DCC: variants seen among roughly 807,000 people sequenced by gnomAD.
The protein encoded by DCC is netrin receptor DCC.
A neutral mutation model predicts 172.5 loss-of-function variants in DCC; 58 were observed. The ratio of observed to expected loss-of-function variants is 0.34; its 90% confidence interval spans 0.27 to 0.42. DCC has a LOEUF of 0.42. DCC is among the 10% of genes least tolerant of loss of function. DCC has a pLI of 1.00. For synonymous variants in DCC, 709 were observed against 644.5 expected (o/e 1.10, Z -1.52); for missense variants, 1,740 against 1,791.0 (o/e 0.97, Z 0.51).
At chr18:53,371,699 A>C (rs2058061474) in intron 15 of DCC, among the ~76,000 whole-genome samples, 1 of 152,044 alleles carries the variant, frequency 6.6e-6, no homozygotes, top group South Asian at 2.1e-4. Flanking sequence ...CCTTCTATTG[A>C]ATGTTAACCC....
chr18:52,579,317 T>G (rs1309460263), intron 1 of DCC, among the ~76,000 whole-genome samples: 1 of 152,176 alleles, frequency 6.6e-6, no homozygotes, highest in African/African-American at 2.4e-5. Flanking sequence ...ATAAGAAGGC[T>G]CCTTTGGAAT....
intron 1 of DCC, among the ~76,000 whole-genome samples, chr18:52,394,083 A>C (rs1211243736): frequency 1.3e-5 from 2 of 152,110 alleles, no homozygotes; most frequent in African/African-American, 4.8e-5. Flanking sequence ...CAATACTATG[A>C]GCTAAAAACA....
At chr18:53,092,295 A>G (rs1391103782) in intron 7 of DCC, among the ~76,000 whole-genome samples, 10 of 152,128 alleles carry the variant, frequency 6.6e-5, no homozygotes, top group Non-Finnish European at 1.5e-4. Context: ...TCTTAAGCAG[A>G]TTTGGGAACC....
At chr18:53,063,784 C>A (rs566490264) in intron 6 of DCC, among the ~76,000 whole-genome samples, 3 of 152,262 alleles carry the variant, frequency 2.0e-5, no homozygotes, top group Non-Finnish European at 2.9e-5. Context: ...GAGTTTAGAA[C>A]CTAGTTCTAG....
intron 1 of DCC, among the ~76,000 whole-genome samples, chr18:52,458,385 G>A (rs573628745): frequency 6.6e-6 from 1 of 152,158 alleles, no homozygotes; most frequent in East Asian, 1.9e-4. Context: ...CGTGTCTTAG[G>A]GGTACTGGGT....
At chr18:53,241,198 G>A (rs1377914502) in intron 12 of DCC, among the ~76,000 whole-genome samples, 1 of 152,080 alleles carries the variant, frequency 6.6e-6, no homozygotes, top group Non-Finnish European at 1.5e-5. Flanking sequence ...TGAGAAGGTG[G>A]CTTGGTATCT....
intron 5 of DCC, among the ~76,000 whole-genome samples, chr18:53,053,689 A>G (rs1345340982): frequency 6.6e-6 from 1 of 152,278 alleles, no homozygotes; most frequent in East Asian, 1.9e-4. Flanking sequence ...GGAATACTAG[A>G]AAATATTTGA....
chr18:53,406,436 A>G (rs1169680407), intron 19 of DCC, among the ~76,000 whole-genome samples: 1 of 150,880 alleles, frequency 6.6e-6, no homozygotes, highest in African/African-American at 2.4e-5. Flanking sequence ...CAGGCGTAGT[A>G]GCTCACGCCT....
chr18:53,175,089 C>T (rs1375064160), intron 8 of DCC, among the ~76,000 whole-genome samples: 1 of 151,994 alleles, frequency 6.6e-6, no homozygotes, highest in Non-Finnish European at 1.5e-5. Flanking sequence ...ATGATTATCT[C>T]AATAGATGCA....
intron 1 of DCC, among the ~76,000 whole-genome samples, chr18:52,509,209 A>G (rs963389459): frequency 6.6e-6 from 1 of 152,198 alleles, no homozygotes; most frequent in Non-Finnish European, 1.5e-5. Context: ...ACGAACAACT[A>G]ATTTATTTGT....
intron 2 of DCC, among the ~76,000 whole-genome samples, chr18:52,779,174 C>G (rs2037487178): frequency 6.6e-6 from 1 of 151,198 alleles, no homozygotes; most frequent in African/African-American, 2.4e-5. Flanking sequence ...TTTTTTTATA[C>G]TTTAAGTTCT....
intron 15 of DCC, among the ~76,000 whole-genome samples, chr18:53,377,674 A>T (rs1189980147): frequency 6.6e-6 from 1 of 152,240 alleles, no homozygotes; most frequent in East Asian, 1.9e-4. Context: ...ACACTGGATT[A>T]AGGTGAGAAA....
chr18:52,412,222 A>T (rs1204956219), intron 1 of DCC, among the ~76,000 whole-genome samples: 1 of 152,120 alleles, frequency 6.6e-6, no homozygotes, highest in Non-Finnish European at 1.5e-5. Flanking sequence ...TTGTAAAGGC[A>T]TGTATACACA....
At chr18:53,402,504 A>AT (rs1909369967) in intron 18 of DCC, among the ~76,000 whole-genome samples, 1 of 152,258 alleles carries the variant, frequency 6.6e-6, no homozygotes, top group Admixed American at 6.5e-5. Context: ...TTTTAGTGTG[A>AT]GCCCACTTGA....
intron 8 of DCC, among the ~76,000 whole-genome samples, chr18:53,174,529 C>A (rs997615435): frequency 2.0e-5 from 3 of 150,142 alleles, no homozygotes; most frequent in African/African-American, 7.3e-5. Context: ...AAACTACCAT[C>A]AGAGAATACT....
intron 15 of DCC, among the ~76,000 whole-genome samples, chr18:53,355,630 G>C (rs150404506): frequency 1.3e-5 from 2 of 152,234 alleles, no homozygotes; most frequent in African/African-American, 4.8e-5. Context: ...TGTATCCTGA[G>C]ACTTTGCTGA....
intron 11 of DCC, among the ~76,000 whole-genome samples, chr18:53,212,828 G>A (rs894960868): frequency 5.3e-5 from 8 of 151,930 alleles, no homozygotes; most frequent in African/African-American, 1.2e-4. Flanking sequence ...GTACCCACAC[G>A]CCAGGCTAAT....
In DCC at chr18:53,386,983, C is replaced by G. The variant is rs75494681; in HGVS notation, c.2455+845C>G. ...AATCTCCAAGTAAAACCCAAGTTCC[C>G]TCTCTAATTAATACATTGAATCTGC... On this transcript the variant is annotated intron_variant, in intron 16 of 28. Transcript: ENST00000442544. Among the ~76,000 whole-genome samples the G allele has an allele frequency of 6.5e-3, 985 of 152,272 alleles. 15 individuals are homozygous for G. The highest frequency in any genetic ancestry group is 0.023 in the African/African-American group (944 of 41,550).
intron 27 of DCC, among the ~76,000 whole-genome samples, chr18:53,503,520 T>G (rs2046130563): frequency 6.6e-6 from 1 of 152,234 alleles, no homozygotes; most frequent in Non-Finnish European, 1.5e-5. Context: ...GTAAGTGATT[T>G]GGCTTAGTCC....
Sources: gnomAD v4.1 joint callset for allele counts (sites outside exome capture counted in the v4.1 genomes callset) on GRCh38, gnomAD v4.1.1 for gene constraint, MANE v1.5 for transcripts, NCBI Gene and HGNC (gene_info 2026-07-23, HGNC 2026-07-21) for gene names.